The following CLVS1 variants were observed in gnomAD, a reference collection of about 807,000 sequenced individuals.
CLVS1 encodes clavesin 1, also known as clavesin-1.
A neutral mutation model predicts 33.1 loss-of-function variants in CLVS1; 10 were observed. The ratio of observed to expected loss-of-function variants is 0.30; its 90% CI spans 0.19 to 0.51. The LOEUF is 0.51. Among genes scored for constraint, CLVS1 ranks in the 20% least tolerant of loss-of-function variants. The probability of loss-of-function intolerance (pLI) is 0.97; values close to 1 mark genes in which losing one functional copy is unlikely to be tolerated. For missense variants in CLVS1, 343 were observed against 433.4 expected (o/e 0.79, Z 1.85); for synonymous variants, 163 against 166.1 (o/e 0.98, Z 0.14).
chr8:61,105,720 G>T (rs1413603212), intron 1 of CLVS1, among the ~76,000 whole-genome samples: 4 of 151,912 alleles, frequency 2.6e-5, no homozygotes, highest in Admixed American at 6.6e-5. Flanking sequence ...TTAATTATAG[G>T]ACATTAAAAG....
intron 2 of CLVS1, among the ~76,000 whole-genome samples, chr8:61,195,458 T>C (rs1177385468): frequency 2.0e-5 from 3 of 152,056 alleles, no homozygotes; most frequent in Non-Finnish European, 4.4e-5. Flanking sequence ...ACTTATCATG[T>C]AAAACAAACA....
At chr8:61,483,878 G>C (rs924903164) in intron 5 of CLVS1, among the ~76,000 whole-genome samples, 1 of 152,064 alleles carries the variant, frequency 6.6e-6, no homozygotes, top group African/African-American at 2.4e-5. Flanking sequence ...TGCAGAAAAG[G>C]CTCCGACAAA....
intron 2 of CLVS1, among the ~76,000 whole-genome samples, chr8:61,250,527 T>C (rs1180368440): frequency 1.3e-5 from 2 of 152,240 alleles, no homozygotes; most frequent in Non-Finnish European, 2.9e-5. Flanking sequence ...ATTTTCATGA[T>C]ATTGGTTCTT....
At chr8:61,358,748 C>T (rs1812851486) in intron 2 of CLVS1, among the ~76,000 whole-genome samples, 2 of 152,166 alleles carry the variant, frequency 1.3e-5, no homozygotes, top group Non-Finnish European at 2.9e-5. Flanking sequence ...TAGAATATAA[C>T]TCAAGTGATC....
the CLVS1 span, among the ~76,000 whole-genome samples, chr8:61,031,380 C>T: frequency 5.4e-4 from 83 of 152,298 alleles, no homozygotes; most frequent in Middle Eastern, 6.8e-3. Context: ...TCCCCGGCAG[C>T]GAACCGTTCC....
In CLVS1 at chr8:61,359,503, G is replaced by C. The variant is rs572110597; in HGVS notation, c.456-17102G>C. ...CCTGAGAAGCTGGGGTGATAGGCAA[G>C]TGCCATCATGCCCGGCTAATTTTTG... is the stretch of plus-strand genomic sequence containing the variant. On this transcript the variant is annotated intron_variant, in intron 2 of 5. Coordinates refer to ENST00000325897, the MANE Select transcript of CLVS1 (RefSeq NM_173519.3). Among the ~76,000 whole-genome samples, 10 of 152,216 alleles carry C rather than the reference G, an allele frequency of 6.6e-5. No homozygotes were observed. In the South Asian group the frequency reaches 1.9e-3, roughly 28 times the overall value.
rs544110399 is a variant in CLVS1 at position 61,390,655 on chromosome 8, A to G, written c.630+13876A>G. 4.6e-5 allele frequency among the ~76,000 whole-genome samples: 7 copies of G among 152,278 alleles called. No homozygotes were observed. In the South Asian group the frequency reaches 6.2e-4, roughly 14 times the overall value. On this transcript the variant is annotated intron_variant, in intron 3 of 5. Coordinates refer to ENST00000325897, the MANE Select transcript of CLVS1 (RefSeq NM_173519.3). ...CTTTGATTACTAGTGAGGTGGGACAATTTGCCATACGTCTATTAAATGTTT... is the reference window on the plus strand; with the variant it reads ...CTTTGATTACTAGTGAGGTGGGACAGTTTGCCATACGTCTATTAAATGTTT...
intron 5 of CLVS1, among the ~76,000 whole-genome samples, chr8:61,489,720 C>T (rs1345312759): frequency 2.0e-5 from 3 of 152,064 alleles, no homozygotes; most frequent in Admixed American, 2.0e-4. Context: ...TTAAAACATC[C>T]AAATAAAGTG....
chr8:61,265,593 G>T (rs1456362807), intron 2 of CLVS1, among the ~76,000 whole-genome samples: 2 of 152,152 alleles, frequency 1.3e-5, no homozygotes, highest in Admixed American at 1.3e-4. Context: ...AGCAAATGTT[G>T]TCAGCTCTGC....
chr8:61,205,084 TA>T (rs1807811950), intron 2 of CLVS1, among the ~76,000 whole-genome samples: 1 of 152,254 alleles, frequency 6.6e-6, no homozygotes, highest in Non-Finnish European at 1.5e-5. Context: ...TTCATAAACC[TA>T]ATTATGAGAA....
intron 3 of CLVS1, among the ~76,000 whole-genome samples, chr8:61,386,787 A>G (rs778081214): frequency 1.6e-4 from 25 of 152,236 alleles, no homozygotes; most frequent in Non-Finnish European, 3.4e-4. Flanking sequence ...TGATGATAGC[A>G]GTGATGGTAA....
At chr8:61,058,107 C>T (rs1303278456) in intron 1 of CLVS1, among the ~76,000 whole-genome samples, 1 of 152,198 alleles carries the variant, frequency 6.6e-6, no homozygotes, top group African/African-American at 2.4e-5. Flanking sequence ...AAGCGTCGAC[C>T]TAGCTAGAAA....
intron 2 of CLVS1, among the ~76,000 whole-genome samples, chr8:61,150,333 G>A (rs935801113): frequency 3.0e-4 from 45 of 152,280 alleles, no homozygotes; most frequent in African/African-American, 1.0e-3. Context: ...GGGGCATGGC[G>A]CTTAGGACTT....
chr8:61,083,601 A>AT (rs934819645), intron 1 of CLVS1, among the ~76,000 whole-genome samples: 1 of 152,168 alleles, frequency 6.6e-6, no homozygotes. Flanking sequence ...AGTACCGAAA[A>AT]CATTTTCTGG....
At chr8:61,145,032 A>G (rs1162915140) in intron 2 of CLVS1, among the ~76,000 whole-genome samples, 1 of 152,212 alleles carries the variant, frequency 6.6e-6, no homozygotes, top group East Asian at 1.9e-4. Flanking sequence ...CACCCGGCCA[A>G]TGAGCTTTTT....
In CLVS1 at chr8:61,140,178, T is replaced by C. The variant is rs1175545311; in HGVS notation, c.-152+8318T>C. 2.0e-5 allele frequency among the ~76,000 whole-genome samples: 3 copies of C among 152,342 alleles called. No homozygotes were observed. In the East Asian group the frequency reaches 5.8e-4, roughly 29 times the overall value. On this transcript the variant is annotated intron_variant, in intron 2 of 2. Coordinates refer to the CLVS1 transcript ENST00000522621. ...TCCTTCCTTCAGACCCATTAAATAA[T>C]GATTTTATCCTTGGGCGAAGGTTCC...
At chr8:61,184,101 T>C (rs763969964) in intron 2 of CLVS1, among the ~76,000 whole-genome samples, 22 of 152,144 alleles carry the variant, frequency 1.4e-4, no homozygotes, top group Admixed American at 1.0e-3. Flanking sequence ...CAGAACCTAC[T>C]TGACCCCTTT....
At chr8:61,324,797 A>G (rs1279992288) in intron 2 of CLVS1, among the ~76,000 whole-genome samples, 1 of 152,122 alleles carries the variant, frequency 6.6e-6, no homozygotes, top group Non-Finnish European at 1.5e-5. Context: ...AGAAATTGCC[A>G]CACTGTCTTC....
intron 3 of CLVS1, among the ~76,000 whole-genome samples, chr8:61,414,557 T>C (rs944770930): frequency 6.6e-6 from 1 of 152,122 alleles, no homozygotes; most frequent in Non-Finnish European, 1.5e-5. Context: ...CTCCAAGAGA[T>C]TGAGAAATGC....
Sources: gnomAD v4.1 joint callset for allele counts (sites outside exome capture counted in the v4.1 genomes callset) on GRCh38, gnomAD v4.1.1 for gene constraint, MANE v1.5 for transcripts, NCBI Gene and HGNC (gene_info 2026-07-23, HGNC 2026-07-21) for gene names.